TEK: variants seen among roughly 807,000 people sequenced by gnomAD.
TEK encodes the protein angiopoietin-1 receptor.
A neutral mutation model predicts 131.8 loss-of-function variants in TEK; 43 were observed. That is an observed-to-expected ratio of 0.33 (90% CI 0.26 to 0.42). TEK has a LOEUF of 0.42. Ranked by LOEUF, TEK falls within the 10% of genes least tolerant of loss-of-function variation. The pLI, the probability that TEK is intolerant of heterozygous loss-of-function variation, is 1.00. For synonymous variants in TEK, 580 were observed against 491.6 expected (o/e 1.18, Z -2.38); for missense variants, 1,162 against 1,384.4 (o/e 0.84, Z 2.55).
intron 12 of TEK, among the ~76,000 whole-genome samples, chr9:27,200,740 C>A (rs4242670): frequency 0.2 from 30,213 of 152,038 alleles, 3,477 homozygotes; most frequent in East Asian, 0.52. Flanking sequence ...TCACCCCAAT[C>A]ATATGTTAAA....
intron 1 of TEK, among the ~76,000 whole-genome samples, chr9:27,120,538 A>G (rs909141490): frequency 6.6e-6 from 1 of 152,250 alleles, no homozygotes; most frequent in African/African-American, 2.4e-5. Flanking sequence ...ATGAAACTCT[A>G]CAAGGATGCA....
At chr9:27,123,847 G>A (rs1347354948) in intron 1 of TEK, among the ~76,000 whole-genome samples, 1 of 152,188 alleles carries the variant, frequency 6.6e-6, no homozygotes, top group Admixed American at 6.5e-5. Context: ...CATGATTTCG[G>A]CTCACTGCAA....
chr9:27,127,847 T>C (rs1728613124), intron 1 of TEK, among the ~76,000 whole-genome samples: 1 of 152,228 alleles, frequency 6.6e-6, no homozygotes, highest in African/African-American at 2.4e-5. Flanking sequence ...TGTAAATTTG[T>C]TGAAGTTCTT....
intron 15 of TEK, 127 bp downstream of exon 15, chr9:27,206,919 A>G (rs1032843486): frequency 9.6e-7 from 1 of 1,039,578 alleles, no homozygotes; most frequent in Non-Finnish European, 1.4e-6. Context: ...GTTATTTGCA[A>G]CTGAAGGTTA....
intron 1 of TEK, among the ~76,000 whole-genome samples, chr9:27,110,898 TATC>T (rs1335993329): frequency 7.5e-6 from 1 of 133,244 alleles, no homozygotes; most frequent in Non-Finnish European, 1.6e-5. Flanking sequence ...TTCAAATAAT[TATC>T]ATGATTCCAT....
At chr9:27,146,729 T>G (rs1332217174) in intron 1 of TEK, among the ~76,000 whole-genome samples, 1 of 149,176 alleles carries the variant, frequency 6.7e-6, no homozygotes, top group Non-Finnish European at 1.5e-5. Flanking sequence ...TATTTTTTTT[T>G]TTTTTTTTTT....
At chr9:27,128,048 G>T (rs1017723756) in intron 1 of TEK, among the ~76,000 whole-genome samples, 4 of 152,228 alleles carry the variant, frequency 2.6e-5, no homozygotes, top group Admixed American at 6.5e-5. Flanking sequence ...TGAAGTCCTT[G>T]CCCATGCCTA....
intron 2 of TEK, among the ~76,000 whole-genome samples, chr9:27,166,821 C>T (rs1261773876): frequency 2.0e-5 from 3 of 152,120 alleles, no homozygotes; most frequent in Non-Finnish European, 4.4e-5. Flanking sequence ...ATGTGAGCTC[C>T]TGTCTTTTAA....
chr9:27,189,940 A>G (rs1350336037), intron 9 of TEK, among the ~76,000 whole-genome samples: 1 of 152,212 alleles, frequency 6.6e-6, no homozygotes, highest in East Asian at 1.9e-4. Context: ...TACTACAAAG[A>G]GTAATAACCC....
At chr9:27,210,935 A>G (rs763021835) in intron 16 of TEK, among the ~76,000 whole-genome samples, 12 of 152,090 alleles carry the variant, frequency 7.9e-5, no homozygotes, top group Non-Finnish European at 5.9e-5. Flanking sequence ...TGGCCAACCA[A>G]CATGGTGAAA....
intron 1 of TEK, among the ~76,000 whole-genome samples, chr9:27,127,982 T>TA (rs1564043375): frequency 6.6e-5 from 10 of 152,174 alleles, no homozygotes; most frequent in Admixed American, 6.5e-4. Flanking sequence ...TTAGTTTAAT[T>TA]AGATCCCATT....
intron 1 of TEK, among the ~76,000 whole-genome samples, chr9:27,148,797 C>A (rs1463846836): frequency 2.0e-5 from 3 of 152,158 alleles, no homozygotes; most frequent in Non-Finnish European, 4.4e-5. Flanking sequence ...TATGAAATTT[C>A]TTTATATGTT....
chr9:27,114,581 A>G (rs1031761411), intron 1 of TEK, among the ~76,000 whole-genome samples: 1 of 150,698 alleles, frequency 6.6e-6, no homozygotes, highest in African/African-American at 2.4e-5. Context: ...AAAAAAAAAT[A>G]AAAAAAAATT....
intron 1 of TEK, among the ~76,000 whole-genome samples, chr9:27,154,855 G>A (rs764143125): frequency 8.0e-4 from 122 of 152,212 alleles, no homozygotes; most frequent in Non-Finnish European, 1.4e-3. Context: ...TTCCTTTTCC[G>A]TCACTGAAAG....
At chr9:27,109,858 A>G (rs372202918) in intron 1 of TEK, among the ~76,000 whole-genome samples, 5 of 152,256 alleles carry the variant, frequency 3.3e-5, no homozygotes, top group African/African-American at 1.2e-4. Context: ...CTTCTGGGTG[A>G]TTGGCCCCTG....
At chr9:27,181,283 A>G (rs371622591) in intron 7 of TEK, among the ~76,000 whole-genome samples, 1 of 151,948 alleles carries the variant, frequency 6.6e-6, no homozygotes, top group East Asian at 1.9e-4. Flanking sequence ...CTTTTTCTTA[A>G]TTTTTTTGGT....
intron 1 of TEK, among the ~76,000 whole-genome samples, chr9:27,110,801 AG>A (rs1210543519): frequency 6.6e-6 from 1 of 152,250 alleles, no homozygotes; most frequent in African/African-American, 2.4e-5. Context: ...GTGTAACACA[AG>A]TTGCTAAAAA....
rs146187602 is a variant in TEK, at chr9:27,163,191, G to A, written c.364+5049G>A. On this transcript the variant is annotated intron_variant, in intron 2 of 22. Transcript: ENST00000380036. ...TGAGGCTTGGCTATTGTAACTTAAC[G>A]TGCATTTACTAGCTAGTGAGTGTTG... 1.2e-4 allele frequency among the ~76,000 whole-genome samples: 18 copies of A among 152,248 alleles called. No individual in the cohort carries two copies. The East Asian group carries it at 3.3e-3, about 28-fold the overall frequency.
intron 1 of TEK, among the ~76,000 whole-genome samples, chr9:27,120,608 G>A (rs577845693): frequency 6.6e-6 from 1 of 152,380 alleles, no homozygotes; most frequent in African/African-American, 2.4e-5. Context: ...GGAGCCTTAT[G>A]AAATGAGACT....
Sources: gnomAD v4.1 joint callset for allele counts (sites outside exome capture counted in the v4.1 genomes callset) on GRCh38, gnomAD v4.1.1 for gene constraint, MANE v1.5 for transcripts, NCBI Gene and HGNC (gene_info 2026-07-23, HGNC 2026-07-21) for gene names.